Variants in AGT observed in about 807,000 individuals in gnomAD.
The protein encoded by AGT is alpha-1 antiproteinase, antitrypsin.
Under a neutral mutation model 28.1 loss-of-function variants are expected in AGT, and 26 were observed. That is an observed-to-expected ratio of 0.92 (90% confidence interval 0.68 to 1.28). The LOEUF is 1.28. Among genes scored for constraint, AGT ranks in the 50% most tolerant of loss-of-function variants. AGT has a pLI of 0.00. For missense variants in AGT, 596 were observed against 592.3 expected (o/e 1.01, Z -0.06); for synonymous variants, 259 against 259.6 (o/e 1.00, Z 0.02).
At chr1:230,735,455 T>C (rs1463988801) in intron 1 of AGT, among the ~76,000 whole-genome samples, 1 of 152,188 alleles carries the variant, frequency 6.6e-6, no homozygotes, top group Non-Finnish European at 1.5e-5. Context: ...ACAATGTAAA[T>C]TAATACAGTC....
intron 1 of AGT, among the ~76,000 whole-genome samples, chr1:230,735,824 T>A (rs1367109953): frequency 6.6e-6 from 1 of 152,216 alleles, no homozygotes; most frequent in Non-Finnish European, 1.5e-5. Flanking sequence ...AGGGGTACCC[T>A]GCTGCTTCCA....
At chr1:230,742,453 T>A (rs1439340497) in intron 1 of AGT, among the ~76,000 whole-genome samples, 14 of 152,154 alleles carry the variant, frequency 9.2e-5, no homozygotes. Context: ...GTAGCTGGGA[T>A]TACAGGTGCC....
chr1:230,741,942 G>C (rs760060925), intron 1 of AGT, among the ~76,000 whole-genome samples: 1 of 152,150 alleles, frequency 6.6e-6, no homozygotes. Context: ...TGTAGTCCCA[G>C]CCACTGGGGA....
intron 3 of AGT, among the ~76,000 whole-genome samples, chr1:230,705,595 G>C (rs1405913731): frequency 6.6e-6 from 1 of 152,268 alleles, no homozygotes; most frequent in Admixed American, 6.5e-5. Context: ...CTGTGTGTCA[G>C]GTGTGGGACC....
rs1189964713 is a variant in AGT, at chr1:230,706,104, G to A, written c.926C>T (p.Thr309Ile). The A allele has an allele frequency of 1.2e-6, 2 of 1,614,152 alleles. 1 individual carries two copies. Among genetic ancestry groups the A allele is most frequent in the South Asian group, 2.2e-5 (2 of 91,070 alleles). ...CTGGATGTCACTCCAGTGCTGGAAG[G>A]TGCCCATGCCAGAGAGCATGGGAAC... ...VSVPMLSGMGTFQHWSDIQDN... is the reference protein window; with the variant it reads ...VSVPMLSGMGIFQHWSDIQDN... The change falls in exon 3 of 5, where the codon ACC becomes ATC. Residue 309 changes from threonine to isoleucine, a missense_variant. Transcript: ENST00000366667.
chr1:230,715,287 A>AT (rs145366748), upstream of AGT, among the ~76,000 whole-genome samples: 5 of 152,108 alleles, frequency 3.3e-5, no homozygotes, highest in African/African-American at 9.7e-5. Flanking sequence ...TCTGAAATAC[A>AT]TTTTTTTAAT....
chr1:230,706,112 G>A lies in AGT; in HGVS notation c.918C>T (p.Gly306=), dbSNP rs760352225. 34 of 1,613,982 alleles carry A rather than the reference G, an allele frequency of 2.1e-5. No individual in the cohort carries two copies. Among genetic ancestry groups the A allele is most frequent in the Non-Finnish European group, 2.5e-5 (30 of 1,180,026 alleles). The part of the protein sequence containing the change: ...STSVSVPMLS[G]MGTFQHWSDI... ...CACTCCAGTGCTGGAAGGTGCCCAT[G>A]CCAGAGAGCATGGGAACAGACACTG... The change falls in exon 3 of 5, where the codon GGC becomes GGT. Residue 306 remains glycine (G), a synonymous_variant. Transcript: ENST00000366667.
rs1663282193 is a variant in AGT, at chr1:230,703,248, C to T, written c.1324G>A (p.Val442Ile). 6.2e-7 allele frequency: 1 copy of T among 1,614,202 alleles called. No homozygotes were observed. Among genetic ancestry groups the T allele is most frequent in the African/African-American group, 1.3e-5 (1 of 75,062 alleles). Reference protein sequence around the residue: ...ESTQQLNKPEVLEVTLNRPFL... With the variant: ...ESTQQLNKPEILEVTLNRPFL... ...GGGCGGTTCAGGGTCACCTCCAAGA[C>T]CTCAGGCTTGTTAAGCTGTTGGGTA... is the stretch of plus-strand genomic sequence containing the variant. The change falls in exon 5 of 5, where the codon GTC becomes ATC. Residue 442 changes from valine (V) to isoleucine (I), a missense_variant. Transcript: ENST00000366667.
At chr1:230,731,831 C>T (rs1387743499) in intron 1 of AGT, among the ~76,000 whole-genome samples, 2 of 152,118 alleles carry the variant, frequency 1.3e-5, no homozygotes, top group Non-Finnish European at 2.9e-5. Flanking sequence ...CATGCCACTG[C>T]ACTCTAAACT....
chr1:230,731,774 G>A (rs916202007), intron 1 of AGT, among the ~76,000 whole-genome samples: 3 of 152,142 alleles, frequency 2.0e-5, no homozygotes, highest in African/African-American at 7.2e-5. Context: ...GGCTGAGGAA[G>A]GAGAATCTCT....
At chr1:230,707,854 G>C (rs533763243) in intron 2 of AGT, among the ~76,000 whole-genome samples, 2 of 152,176 alleles carry the variant, frequency 1.3e-5, no homozygotes, top group African/African-American at 4.8e-5. Flanking sequence ...TAAATCTGTC[G>C]AGGTCAAGTC....
chr1:230,714,975 T>A (rs759689645), upstream of AGT, among the ~76,000 whole-genome samples: 1 of 151,944 alleles, frequency 6.6e-6, no homozygotes, highest in Non-Finnish European at 1.5e-5. Flanking sequence ...GTGAGGCAGG[T>A]TGGGAGTGGT....
rs1211984180 is a variant in AGT, at chr1:230,709,171, T to A, written c.829+824A>T. On this transcript the variant is annotated intron_variant, in intron 2 of 4. Coordinates refer to ENST00000366667, the MANE Select transcript of AGT (RefSeq NM_001384479.1). Reference sequence around the variant, plus strand: ...ATTTGCCCATTGACCTTTAAAAGCCTGGAGGCAGGGCCTATACAGCCCTCC... The same window carrying A: ...ATTTGCCCATTGACCTTTAAAAGCCAGGAGGCAGGGCCTATACAGCCCTCC... Among the ~76,000 whole-genome samples, 4 of 152,372 alleles carry A rather than the reference T, an allele frequency of 2.6e-5. No homozygotes were observed. The East Asian group carries it at 7.7e-4, about 29-fold the overall frequency.
At chr1:230,735,896 A>C (rs1664146407) in intron 1 of AGT, among the ~76,000 whole-genome samples, 1 of 152,194 alleles carries the variant, frequency 6.6e-6, no homozygotes, top group Non-Finnish European at 1.5e-5. Context: ...TAGTTCATCG[A>C]TTAAACACTC....
intron 1 of AGT, among the ~76,000 whole-genome samples, chr1:230,719,704 G>A (rs572566787): frequency 6.6e-6 from 1 of 152,166 alleles, no homozygotes; most frequent in Non-Finnish European, 1.5e-5. Flanking sequence ...ACCACACCTG[G>A]CTAATTGCAG....
At position 230,710,573 on chromosome 1, in the gene AGT, G is replaced by A; in HGVS notation, c.251C>T (p.Ala84Val). The A allele has an allele frequency of 1.9e-6, 3 of 1,614,258 alleles. No individual in the cohort carries two copies. Among genetic ancestry groups the A allele is most frequent in the Non-Finnish European group, 1.7e-6 (2 of 1,180,050 alleles). Residue 84 changes from alanine to valine, a missense_variant, in exon 2 of 5, where the codon GCA becomes GTA. Transcript: ENST00000366667. The stretch of plus-strand genomic sequence containing the variant: ...CAACTTGTCTTCGGTGTCAAGTTTT[G>A]CAGCGACTAGCACCAGCTGGTCCTG... Reference protein sequence around the residue: ...ALQDQLVLVAAKLDTEDKLRA... With the variant: ...ALQDQLVLVAVKLDTEDKLRA...
At chr1:230,735,668 G>C (rs907148031) in intron 1 of AGT, among the ~76,000 whole-genome samples, 1 of 151,948 alleles carries the variant, frequency 6.6e-6, no homozygotes, top group African/African-American at 2.4e-5. Context: ...GGTGTCACAG[G>C]GCTCCCTTCC....
chr1:230,705,876 C>T, intron 3 of AGT, 57 bp downstream of exon 3: 1 of 1,604,852 alleles, frequency 6.2e-7, no homozygotes, highest in Non-Finnish European at 8.5e-7. Flanking sequence ...ACCCCGCCCC[C>T]AGCCTGGGCA....
chr1:230,744,294 C>T (rs1664301709), intron 1 of AGT, among the ~76,000 whole-genome samples: 1 of 152,222 alleles, frequency 6.6e-6, no homozygotes, highest in South Asian at 2.1e-4. Flanking sequence ...ATGCCATCTG[C>T]TTTCTTGAGG....
Sources: allele counts gnomAD v4.1 joint callset (sites outside exome capture counted in the v4.1 genomes callset), GRCh38; gene constraint gnomAD v4.1.1; transcripts MANE v1.5; gene names NCBI Gene and HGNC (gene_info 2026-07-23, HGNC 2026-07-21).